Variants in IMMP2L observed in about 807,000 individuals in gnomAD.
IMMP2L encodes inner mitochondrial membrane peptidase subunit 2, also known as mitochondrial inner membrane protease subunit 2.
Under a neutral mutation model 19.3 loss-of-function variants are expected in IMMP2L, and 18 were observed. That is an observed-to-expected ratio of 0.93 (90% CI 0.64 to 1.38). The LOEUF is 1.38. Among genes scored for constraint, IMMP2L ranks in the 40% most tolerant of loss-of-function variants. The pLI is 0.00. For synonymous variants in IMMP2L, 76 were observed against 73.0 expected, an observed-to-expected ratio of 1.04 and a Z score of -0.21; for missense variants, 233 against 218.2, an observed-to-expected ratio of 1.07 and a Z score of -0.43.
chr7:110,895,693 A>G (rs1038744816), intron 4 of IMMP2L, among the ~76,000 whole-genome samples: 1 of 152,172 alleles, frequency 6.6e-6, no homozygotes, highest in Non-Finnish European at 1.5e-5. Flanking sequence ...AGGTCTTTGA[A>G]GATGTTTCTG....
chr7:110,737,606 A>C (rs2130851248), intron 5 of IMMP2L, among the ~76,000 whole-genome samples: 1 of 152,286 alleles, frequency 6.6e-6, no homozygotes, highest in East Asian at 1.9e-4. Context: ...CTGAAGAAAA[A>C]GGTCATAATC....
intron 3 of IMMP2L, among the ~76,000 whole-genome samples, chr7:111,238,980 A>G (rs1814670663): frequency 6.6e-6 from 1 of 151,992 alleles, no homozygotes; most frequent in East Asian, 1.9e-4. Context: ...CATAATTGCA[A>G]TAATAGTAGC....
At chr7:111,537,455 G>A (rs1358824164) in intron 1 of IMMP2L, among the ~76,000 whole-genome samples, 2 of 150,708 alleles carry the variant, frequency 1.3e-5, no homozygotes, top group African/African-American at 4.9e-5. Context: ...ATTTTCTATA[G>A]GATAATATCA....
At chr7:111,025,645 G>A (rs566799318) in intron 3 of IMMP2L, among the ~76,000 whole-genome samples, 2 of 152,206 alleles carry the variant, frequency 1.3e-5, no homozygotes, top group East Asian at 3.9e-4. Context: ...CTAATTACAA[G>A]ACAGTCCTCT....
chr7:110,742,559 G>C (rs1053687463), intron 5 of IMMP2L, among the ~76,000 whole-genome samples: 1 of 152,014 alleles, frequency 6.6e-6, no homozygotes, highest in African/African-American at 2.4e-5. Flanking sequence ...ACAAGGTCTG[G>C]AGATTGAGAC....
rs955928369 is a variant in IMMP2L at position 111,307,432 on chromosome 7, A to G, written c.239+179806T>C. Among the ~76,000 whole-genome samples the G allele has an allele frequency of 2.0e-5, 3 of 151,814 alleles. No homozygotes were observed. In the South Asian group the frequency reaches 6.2e-4, roughly 31 times the overall value. The stretch of plus-strand genomic sequence containing the variant: ...CCTGATCTTTGCACTAAACATGCTT[A>G]TGTGTACCATATTCTGTAATAAAAT... On this transcript the variant is annotated intron_variant, in intron 3 of 5. Coordinates refer to ENST00000405709, the MANE Select transcript of IMMP2L (RefSeq NM_032549.4).
At chr7:111,209,185 CA>C (rs1291308291) in intron 3 of IMMP2L, among the ~76,000 whole-genome samples, 22 of 152,040 alleles carry the variant, frequency 1.4e-4, no homozygotes, top group Admixed American at 1.4e-3. Flanking sequence ...ATCACGAGGT[CA>C]GCAGATCAAG....
At chr7:111,120,454 C>G (rs1387029782) in intron 3 of IMMP2L, among the ~76,000 whole-genome samples, 1 of 152,034 alleles carries the variant, frequency 6.6e-6, no homozygotes, top group East Asian at 1.9e-4. Flanking sequence ...GGAAACTGCC[C>G]CCATGATTTA....
At chr7:110,805,201 G>A (rs1801542118) in intron 5 of IMMP2L, among the ~76,000 whole-genome samples, 1 of 152,010 alleles carries the variant, frequency 6.6e-6, no homozygotes, top group Non-Finnish European at 1.5e-5. Flanking sequence ...ATCTATTACT[G>A]ATATAACATA....
intron 1 of IMMP2L, among the ~76,000 whole-genome samples, chr7:111,556,536 C>A (rs764964905): frequency 4.3e-4 from 65 of 152,210 alleles, no homozygotes; most frequent in Middle Eastern, 3.4e-3. Flanking sequence ...AGCCTCATCT[C>A]CTATTCAGTC....
At chr7:111,014,503 CTATT>C (rs1039689907) in intron 3 of IMMP2L, among the ~76,000 whole-genome samples, 2 of 152,006 alleles carry the variant, frequency 1.3e-5, no homozygotes, top group African/African-American at 4.8e-5. Context: ...CATAAGTTGA[CTATT>C]TAAAAGGCTT....
intron 2 of IMMP2L, among the ~76,000 whole-genome samples, chr7:111,500,154 T>C (rs1788119810): frequency 6.6e-6 from 1 of 152,040 alleles, no homozygotes; most frequent in Non-Finnish European, 1.5e-5. Context: ...TACCAGGAGA[T>C]TATATCCCGC....
intron 3 of IMMP2L, among the ~76,000 whole-genome samples, chr7:111,070,100 T>G (rs1794826001): frequency 6.6e-6 from 1 of 152,028 alleles, no homozygotes; most frequent in Non-Finnish European, 1.5e-5. Context: ...CACATTTTTG[T>G]GAGGAATGTA....
intron 3 of IMMP2L, among the ~76,000 whole-genome samples, chr7:111,297,986 T>C (rs1010434389): frequency 2.0e-5 from 3 of 152,132 alleles, no homozygotes; most frequent in Non-Finnish European, 2.9e-5. Context: ...ATTGTGATGT[T>C]GGTTACAAAA....
chr7:110,772,042 G>A (rs918554663), intron 5 of IMMP2L, among the ~76,000 whole-genome samples: 3 of 152,118 alleles, frequency 2.0e-5, no homozygotes, highest in African/African-American at 7.2e-5. Context: ...AAGTAGTGAG[G>A]AAATCTAGCA....
rs946916853 is a variant in IMMP2L, at chr7:110,758,865, G to A, written c.409-95144C>T. Among the ~76,000 whole-genome samples, 5 of 152,000 alleles carry A rather than the reference G, an allele frequency of 3.3e-5. No individual in the cohort carries two copies. The highest frequency in any genetic ancestry group is 7.4e-5 in the Non-Finnish European group (5 of 67,994). On this transcript the variant is annotated intron_variant, in intron 5 of 5. Coordinates refer to ENST00000405709, the MANE Select transcript of IMMP2L (RefSeq NM_032549.4). This position sits in a 1 kb window ranked among gnomAD's most constrained non-coding sequence, Gnocchi z 4.6. ...ACCTCCCCAGGTGCCAAATCTCTCT[G>A]ACATTGCTGCTACAGAACTTCATGG...
chr7:111,402,282 G>A (rs1833493875), intron 3 of IMMP2L, among the ~76,000 whole-genome samples: 1 of 151,514 alleles, frequency 6.6e-6, no homozygotes, highest in African/African-American at 2.4e-5. Flanking sequence ...TCTATGAAAC[G>A]CCCAACTTGT....
At chr7:110,726,035 C>A (rs1363169900) in intron 5 of IMMP2L, among the ~76,000 whole-genome samples, 1 of 152,124 alleles carries the variant, frequency 6.6e-6, no homozygotes, top group East Asian at 1.9e-4. Flanking sequence ...AAATAACTTG[C>A]CCAAAGACAC....
chr7:111,395,735 T>C (rs912759527), intron 3 of IMMP2L, among the ~76,000 whole-genome samples: 2 of 152,082 alleles, frequency 1.3e-5, no homozygotes, highest in Non-Finnish European at 2.9e-5. Context: ...TGCCACATTC[T>C]CAAAAAAACT....
Sources: allele counts gnomAD v4.1 joint callset (sites outside exome capture counted in the v4.1 genomes callset), GRCh38; gene constraint gnomAD v4.1.1; non-coding constraint Gnocchi (gnomAD v3.1); transcripts MANE v1.5; gene names NCBI Gene and HGNC (gene_info 2026-07-23, HGNC 2026-07-21).